The following PDE1C variants were observed in gnomAD, a reference collection of about 807,000 sequenced individuals.
PDE1C encodes the protein dual specificity calcium/calmodulin-dependent 3',5'-cyclic nucleotide phosphodiesterase 1C.
Under a neutral mutation model 93.1 loss-of-function variants are expected in PDE1C, and 62 were observed. That is an observed-to-expected ratio of 0.67 (90% CI 0.54 to 0.82). The LOEUF (loss-of-function observed/expected upper bound fraction) is 0.82, where lower values mean the gene tolerates loss of function less well. Ranked by LOEUF, PDE1C falls within the 40% of genes least tolerant of loss-of-function variation. The pLI is 0.00. For synonymous variants in PDE1C, 325 were observed against 310.1 expected, an observed-to-expected ratio of 1.05 and a Z score of -0.50; for missense variants, 742 against 884.6, an observed-to-expected ratio of 0.84 and a Z score of 2.04.
intron 1 of PDE1C, among the ~76,000 whole-genome samples, chr7:32,255,474 A>G (rs1421677054): frequency 6.6e-6 from 1 of 152,218 alleles, no homozygotes; most frequent in Non-Finnish European, 1.5e-5. Flanking sequence ...ATGGAGCCAT[A>G]GTTTTACATT....
At chr7:32,178,728 C>T (rs145984296) in intron 2 of PDE1C, among the ~76,000 whole-genome samples, 3 of 152,270 alleles carry the variant, frequency 2.0e-5, no homozygotes, top group East Asian at 1.9e-4. Flanking sequence ...ATGCCTATTA[C>T]ATTCTCCTTT....
chr7:31,758,605 C>T lies in PDE1C; in HGVS notation c.1961-5052G>A, dbSNP rs151276723. 5.4e-4 allele frequency among the ~76,000 whole-genome samples: 83 copies of T among 152,302 alleles called. 1 individual carries two copies. The highest frequency in any genetic ancestry group is 1.9e-3 in the African/African-American group (81 of 41,566). On this transcript the variant is annotated intron_variant, in intron 17 of 17. Coordinates refer to ENST00000396191, the MANE Select transcript of PDE1C (RefSeq NM_001191057.4). ...CCTTAATACCCATGCCAACTTCACC[C>T]ATTGCAATATCCTAACGTGAAGTAA...
At chr7:32,187,996 C>A (rs1035675227) in intron 2 of PDE1C, among the ~76,000 whole-genome samples, 2 of 152,100 alleles carry the variant, frequency 1.3e-5, no homozygotes, top group Admixed American at 6.5e-5. Flanking sequence ...TGAATTCTTT[C>A]CAAGAATGGC....
intron 1 of PDE1C, among the ~76,000 whole-genome samples, chr7:32,212,958 T>C (rs1806159927): frequency 6.6e-6 from 1 of 152,196 alleles, no homozygotes; most frequent in African/African-American, 2.4e-5. Context: ...CCAGGTGATA[T>C]GGTGGGTGCT....
At chr7:32,301,067 G>A (rs142320619), upstream of PDE1C, among the ~76,000 whole-genome samples, 544 of 152,136 alleles carry the variant, frequency 3.6e-3, 4 homozygotes, top group African/African-American at 0.012. Context: ...TCGAACTCCC[G>A]AGCTCAAGTC....
chr7:31,675,891 C>T, the PDE1C span, among the ~76,000 whole-genome samples: 1 of 152,094 alleles, frequency 6.6e-6, no homozygotes, highest in Non-Finnish European at 1.5e-5. Context: ...ACAGCATCTA[C>T]AGCAAAGCAG....
intron 16 of PDE1C, among the ~76,000 whole-genome samples, chr7:31,792,775 G>A (rs1056277145): frequency 6.6e-6 from 1 of 152,044 alleles, no homozygotes; most frequent in African/African-American, 2.4e-5. Flanking sequence ...TGAAAATGAG[G>A]ACCCTGAAGA....
intron 2 of PDE1C, among the ~76,000 whole-genome samples, chr7:32,181,270 A>G (rs983009218): frequency 6.6e-6 from 1 of 152,178 alleles, no homozygotes; most frequent in Non-Finnish European, 1.5e-5. Flanking sequence ...ATATCCAGGA[A>G]CTGAACTCAT....
At chr7:32,000,131 T>G (rs1474692728) in intron 2 of PDE1C, among the ~76,000 whole-genome samples, 1 of 152,146 alleles carries the variant, frequency 6.6e-6, no homozygotes, top group Non-Finnish European at 1.5e-5. Context: ...TATGGTGACG[T>G]CCGGCAGTAT....
chr7:31,652,899 AT>A, the PDE1C span: 7 of 1,550,242 alleles, frequency 4.5e-6, no homozygotes, highest in Non-Finnish European at 3.5e-6. Flanking sequence ...GGAAATTTCA[AT>A]TTTCCCCAAG....
the PDE1C span, among the ~76,000 whole-genome samples, chr7:31,638,160 T>G: frequency 6.6e-6 from 1 of 152,200 alleles, no homozygotes. Context: ...TCATCATGAA[T>G]TTTGTACCCA....
chr7:31,670,653 C>T, the PDE1C span, among the ~76,000 whole-genome samples: 3 of 152,186 alleles, frequency 2.0e-5, no homozygotes, highest in African/African-American at 7.2e-5. Flanking sequence ...ATGACACTGT[C>T]TTACTGATAG....
At chr7:31,908,266 TG>T (rs1800832008) in intron 2 of PDE1C, among the ~76,000 whole-genome samples, 1 of 152,150 alleles carries the variant, frequency 6.6e-6, no homozygotes, top group African/African-American at 2.4e-5. Context: ...CAGTCAATAG[TG>T]TTTTCTTTTT....
At chr7:31,710,001 T>C in the PDE1C span, among the ~76,000 whole-genome samples, 1 of 151,822 alleles carries the variant, frequency 6.6e-6, no homozygotes, top group East Asian at 1.9e-4. Context: ...AAATTAAAAA[T>C]AAGCTGGACA....
intron 2 of PDE1C, among the ~76,000 whole-genome samples, chr7:31,942,661 G>A (rs540310016): frequency 3.9e-5 from 6 of 152,164 alleles, no homozygotes; most frequent in African/African-American, 1.4e-4. Flanking sequence ...ATTTCAAGAA[G>A]CAGGTGATAA....
At chr7:31,945,310 C>T (rs571578077) in intron 2 of PDE1C, among the ~76,000 whole-genome samples, 68 of 152,150 alleles carry the variant, frequency 4.5e-4, no homozygotes, top group African/African-American at 1.6e-3. Flanking sequence ...ATTTTATACT[C>T]ATTTATTTCT....
chr7:31,781,040 A>T (rs1783373448), intron 16 of PDE1C, among the ~76,000 whole-genome samples: 1 of 152,212 alleles, frequency 6.6e-6, no homozygotes, highest in African/African-American at 2.4e-5. Flanking sequence ...ATTTCAAATT[A>T]ATGTCCTTGT....
At chr7:32,278,671 C>T (rs1811440550) in intron 1 of PDE1C, among the ~76,000 whole-genome samples, 1 of 152,202 alleles carries the variant, frequency 6.6e-6, no homozygotes, top group Admixed American at 6.5e-5. Context: ...CAAGGCGATG[C>T]TGTCTCAATG....
intron 2 of PDE1C, among the ~76,000 whole-genome samples, chr7:31,882,459 C>T (rs1797368783): frequency 1.3e-5 from 2 of 152,140 alleles, no homozygotes; most frequent in Admixed American, 1.3e-4. Context: ...GGATTGGAAG[C>T]TCTTTAGCAA....
Sources: allele counts gnomAD v4.1 joint callset (sites outside exome capture counted in the v4.1 genomes callset), GRCh38; gene constraint gnomAD v4.1.1; transcripts MANE v1.5; gene names NCBI Gene and HGNC (gene_info 2026-07-23, HGNC 2026-07-21).